Variants in MME observed in about 807,000 individuals in gnomAD.
The protein encoded by MME is membrane metalloendopeptidase.
In MME, 98 loss-of-function variants were observed where a neutral mutation model predicts 113.2. The ratio of observed to expected loss-of-function variants is 0.87; its 90% CI spans 0.74 to 1.02. The LOEUF (loss-of-function observed/expected upper bound fraction) is 1.02, where lower values mean the gene tolerates loss of function less well. Among genes scored for constraint, MME ranks in the 50% least tolerant of loss-of-function variants. MME has a pLI of 0.00. For missense variants in MME, 836 were observed against 896.0 expected (o/e 0.93, Z 0.86); for synonymous variants, 292 against 300.6 (o/e 0.97, Z 0.30).
chr3:155,053,583 T>C (rs1378859079), intron 1 of MME, among the ~76,000 whole-genome samples: 1 of 152,074 alleles, frequency 6.6e-6, no homozygotes, highest in African/African-American at 2.4e-5. Flanking sequence ...CTTGTGGGGA[T>C]TATGGGAATT....
intron 3 of MME, among the ~76,000 whole-genome samples, chr3:155,100,656 G>A (rs1250236500): frequency 6.6e-6 from 1 of 152,148 alleles, no homozygotes; most frequent in East Asian, 1.9e-4. Flanking sequence ...AAGAAATGAT[G>A]CACATGAAAC....
chr3:155,115,312 T>C (rs1410566053), intron 4 of MME, among the ~76,000 whole-genome samples, 157 bp downstream of exon 4: 3 of 152,272 alleles, frequency 2.0e-5, no homozygotes, highest in African/African-American at 7.2e-5. Context: ...ACTCTGATAG[T>C]GGCAGACACT....
intron 3 of MME, chr3:155,112,234 A>G (rs1301027663): frequency 6.6e-6 from 1 of 152,222 alleles, no homozygotes; most frequent in Non-Finnish European, 1.5e-5. Context: ...TTGTGAGCTG[A>G]TACAGACTTT....
chr3:155,133,775 A>G (rs370590366), intron 8 of MME, among the ~76,000 whole-genome samples: 25 of 146,942 alleles, frequency 1.7e-4, no homozygotes, highest in South Asian at 2.1e-4. Flanking sequence ...TATGGTGTGT[A>G]TATATATATG....
intron 3 of MME, among the ~76,000 whole-genome samples, chr3:155,090,727 G>A (rs1716213947): frequency 6.6e-6 from 1 of 152,126 alleles, no homozygotes; most frequent in Admixed American, 6.6e-5. Context: ...GTTGACCATG[G>A]GTAACAAACC....
chr3:155,124,380 C>T (rs1296819213), intron 8 of MME, among the ~76,000 whole-genome samples: 1 of 151,936 alleles, frequency 6.6e-6, no homozygotes, highest in Non-Finnish European at 1.5e-5. Flanking sequence ...TCCTGTAGCT[C>T]AGAGTAATTT....
rs901886547 is a variant in MME at position 155,148,570 on chromosome 3, A to C, written c.1518A>C (p.Glu506Asp). 6.2e-7 allele frequency: 1 copy of C among 1,608,658 alleles called. No homozygotes were observed. The change falls in exon 16 of 23, where the codon GAA (glutamate) becomes GAC (aspartate). Residue 506 changes from glutamate to aspartate, a missense_variant. Transcript: ENST00000360490. ...EYLELNYKEDEYFENIIQNLK... is the reference protein window; with the variant it reads ...EYLELNYKEDDYFENIIQNLK... ...TACAGTTGAACTACAAAGAAGATGA[A>C]TACTTCGAGAACATAATTCAAAATT...
In MME at chr3:155,125,444, CTTTTTTTTTTTTTTTT is replaced by C. The variant is rs1165027340; in HGVS notation, c.720+6646_720+6661del. On this transcript the variant is annotated intron_variant, in intron 8 of 22. Coordinates refer to ENST00000360490, the MANE Select transcript of MME (RefSeq NM_007289.4). ...TATTCGGCCAACTTGGCTCCTCCTCCTTTTTTTTTTTTTTTTTTTTTTTTTTTTGAGACAGAGTCTT... is the reference window on the plus strand; with the variant it reads ...TATTCGGCCAACTTGGCTCCTCCTCCTTTTTTTTTTTTGAGACAGAGTCTT... Among the ~76,000 whole-genome samples, 283 of 65,348 alleles carry C rather than the reference CTTTTTTTTTTTTTTTT, an allele frequency of 4.3e-3. 1 individual carries two copies. Among genetic ancestry groups the C allele is most frequent in the South Asian group, 0.015 (19 of 1,254 alleles). 42.9% of individuals were successfully genotyped at this position (65,348 alleles called of 152,430 possible). A position where few individuals can be genotyped will look rare whatever the true frequency, so the allele number is the denominator to read the frequency against.
rs201930789 is a variant in MME, at chr3:155,142,034, T to C, written c.1001T>C (p.Val334Ala). Reference sequence around the variant, plus strand: ...TTCACAAATGAAATCATGTCAACTGTGAATATTAGTATTACAAATGAGGAA... The same window carrying C: ...TTCACAAATGAAATCATGTCAACTGCGAATATTAGTATTACAAATGAGGAA... ...LNFTNEIMST[V>A]NISITNEEDV... The change falls in exon 11 of 23, where the codon GTG becomes GCG. Residue 334 changes from valine (V) to alanine (A), a missense_variant. By Grantham distance (64) the Val-to-Ala change is moderately conservative. Transcript: ENST00000360490. The C allele has an allele frequency of 6.2e-7, 1 of 1,613,676 alleles. No homozygotes were observed. The highest frequency in any genetic ancestry group is 8.5e-7 in the Non-Finnish European group (1 of 1,179,678).
chr3:155,081,902 T>C (rs185248933), intron 1 of MME: 1 of 152,344 alleles, frequency 6.6e-6, no homozygotes, highest in Admixed American at 6.5e-5. Flanking sequence ...TTTAAGAATT[T>C]ACAGGGCATT....
intron 3 of MME, chr3:155,090,450 A>G (rs1015870801): frequency 1.3e-5 from 2 of 152,234 alleles, no homozygotes; most frequent in Non-Finnish European, 2.9e-5. Flanking sequence ...AGTTTAATTT[A>G]TAAATTAGAC....
At chr3:155,117,958 A>G (rs778117972) in intron 7 of MME, among the ~76,000 whole-genome samples, 5 of 151,986 alleles carry the variant, frequency 3.3e-5, no homozygotes, top group Non-Finnish European at 7.4e-5. Flanking sequence ...TGGCCTCCAC[A>G]CTCATGTTGC....
chr3:155,026,867 T>C (rs1383763364), intron 1 of MME, among the ~76,000 whole-genome samples: 3 of 152,198 alleles, frequency 2.0e-5, no homozygotes, highest in Non-Finnish European at 2.9e-5. Flanking sequence ...AGGTTGATGA[T>C]GTTTCCTAAC....
At chr3:155,045,437 C>A (rs1054107350) in intron 1 of MME, among the ~76,000 whole-genome samples, 1 of 152,026 alleles carries the variant, frequency 6.6e-6, no homozygotes, top group African/African-American at 2.4e-5. Context: ...TGTGAGCCAC[C>A]ACGCCTGGCC....
At chr3:155,084,947 C>T in intron 2 of MME, 112 bp from the exon 3 acceptor site, 1 of 672,108 alleles carries the variant, frequency 1.5e-6, no homozygotes, top group South Asian at 2.0e-5. Flanking sequence ...GTTTTTAGTT[C>T]TTGCTTTAAG....
chr3:155,083,395 T>C (rs1312072806), intron 1 of MME: 2 of 152,220 alleles, frequency 1.3e-5, no homozygotes, highest in African/African-American at 4.8e-5. Context: ...TACCCTGCTT[T>C]ATACAGGACT....
intron 3 of MME, among the ~76,000 whole-genome samples, chr3:155,091,246 C>T (rs527840674): frequency 6.6e-6 from 1 of 152,336 alleles, no homozygotes; most frequent in East Asian, 1.9e-4. Context: ...TATTACCTTA[C>T]ATTTATCCAG....
intron 3 of MME, among the ~76,000 whole-genome samples, chr3:155,101,970 C>T (rs2108218425): frequency 1.3e-5 from 2 of 152,224 alleles, no homozygotes; most frequent in Admixed American, 1.3e-4. Flanking sequence ...AGCGAAGGAT[C>T]CTGCTTGTCC....
chr3:155,098,081 A>G (rs1267006644), intron 3 of MME, among the ~76,000 whole-genome samples: 2 of 152,158 alleles, frequency 1.3e-5, no homozygotes, highest in East Asian at 3.9e-4. Flanking sequence ...ACACACACAT[A>G]TAAAAAAACA....
Sources: allele counts gnomAD v4.1 joint callset (sites outside exome capture counted in the v4.1 genomes callset), GRCh38; gene constraint gnomAD v4.1.1; transcripts MANE v1.5; gene names NCBI Gene and HGNC (gene_info 2026-07-23, HGNC 2026-07-21).